The following ERC1 variants were observed in gnomAD, a reference collection of about 807,000 sequenced individuals.
ERC1 encodes RAB6 interacting protein 2.
In ERC1, 56 loss-of-function variants were observed where a neutral mutation model predicts 132.0. The observed-to-expected ratio is 0.42, with a 90% CI of 0.34 to 0.53. The LOEUF (loss-of-function observed/expected upper bound fraction) is 0.53. ERC1 is among the 20% of genes least tolerant of loss of function. The pLI is 0.03. For missense variants in ERC1, 1,202 were observed against 1,349.9 expected, an observed-to-expected ratio of 0.89 and a Z score of 1.72; for synonymous variants, 478 against 476.1, an observed-to-expected ratio of 1.00 and a Z score of -0.05.
intron 8 of ERC1, among the ~76,000 whole-genome samples, chr12:1,145,973 A>C (rs868701427): frequency 2.0e-5 from 3 of 152,292 alleles, no homozygotes; most frequent in African/African-American, 7.2e-5. Context: ...TTTGGCGACT[A>C]TAGCCTTGTA....
At chr12:1,123,017 C>T (rs1291993114) in intron 7 of ERC1, among the ~76,000 whole-genome samples, 3 of 152,116 alleles carry the variant, frequency 2.0e-5, no homozygotes, top group Admixed American at 6.5e-5. Flanking sequence ...CCTGCCACAA[C>T]CACTCCCCCA....
chr12:1,352,013 G>A (rs901366473), intron 15 of ERC1, among the ~76,000 whole-genome samples: 1 of 152,048 alleles, frequency 6.6e-6, no homozygotes, highest in African/African-American at 2.4e-5. Flanking sequence ...GCTTTGAAGG[G>A]CCCAAGGATC....
intron 17 of ERC1, among the ~76,000 whole-genome samples, chr12:1,420,130 A>G (rs1459205029): frequency 6.6e-6 from 1 of 152,192 alleles, no homozygotes; most frequent in Non-Finnish European, 1.5e-5. Context: ...AGAAGTCTTT[A>G]AAAGAATCAT....
intron 12 of ERC1, among the ~76,000 whole-genome samples, chr12:1,202,625 C>G (rs1385296152): frequency 6.6e-6 from 1 of 151,856 alleles, no homozygotes; most frequent in Non-Finnish European, 1.5e-5. Flanking sequence ...CCACTGCACT[C>G]TAGCCTAGGT....
intron 18 of ERC1, among the ~76,000 whole-genome samples, chr12:1,460,377 A>T (rs972412677): frequency 6.6e-6 from 1 of 152,184 alleles, no homozygotes; most frequent in Non-Finnish European, 1.5e-5. Context: ...GGCAGCCGCA[A>T]AATGGTGCCG....
chr12:1,003,898 C>T (rs988881589), intron 1 of ERC1, among the ~76,000 whole-genome samples: 1 of 152,166 alleles, frequency 6.6e-6, no homozygotes, highest in Non-Finnish European at 1.5e-5. Context: ...CTGGGGGATA[C>T]TCTGTTGATG....
chr12:1,467,975 C>T (rs1378081274), intron 18 of ERC1, among the ~76,000 whole-genome samples: 3 of 152,198 alleles, frequency 2.0e-5, no homozygotes, highest in Non-Finnish European at 4.4e-5. Flanking sequence ...ATAGATGAAG[C>T]TTTGCTTCCT....
In ERC1 at chr12:1,492,503, C is replaced by T. The variant is rs562299829; in HGVS notation, c.*2273C>T. The T allele has an allele frequency of 1.2e-4, 27 of 233,162 alleles. No homozygotes were observed. Among genetic ancestry groups the T allele is most frequent in the Admixed American group, 1.1e-3 (20 of 17,786 alleles). 14.4% of individuals were successfully genotyped at this position (233,162 alleles called of 1,614,324 possible). A position where few individuals can be genotyped will look rare whatever the true frequency, so the allele number is the denominator to read the frequency against. ...AAGCAGGTGGCCCAGATCCCACCCA[C>T]GTGGACTTTCTCATCAGGTGCAGCG... On this transcript the variant is annotated 3_prime_UTR_variant, in exon 19 of 19. Coordinates refer to ENST00000360905, the MANE Select transcript of ERC1 (RefSeq NM_178040.4).
At chr12:1,366,145 T>G (rs1450294757) in intron 15 of ERC1, among the ~76,000 whole-genome samples, 1 of 152,170 alleles carries the variant, frequency 6.6e-6, no homozygotes. Flanking sequence ...CGCAGAACAA[T>G]CTAAATGTAC....
At position 1,495,473 on chromosome 12, in the gene ERC1, A is replaced by G. The variant is rs776362394; in HGVS notation, c.*5243A>G. On this transcript the variant is annotated 3_prime_UTR_variant, in exon 19 of 19. Coordinates refer to ENST00000360905, the MANE Select transcript of ERC1 (RefSeq NM_178040.4). ...GCAGGCCCTCTGGGTCCAGCCCCTC[A>G]TTCCACACCACGCCAGTATTGCATC... is the stretch of plus-strand genomic sequence containing the variant. 6.1e-5 allele frequency: 14 copies of G among 228,764 alleles called. No individual in the cohort carries two copies. The highest frequency in any genetic ancestry group is 1.0e-4 in the Non-Finnish European group (12 of 115,362). The allele number at this position is 228,764 out of a possible 1,614,324, so 14.2% of individuals were successfully genotyped here. A position where few individuals can be genotyped will look rare whatever the true frequency, so the allele number is the denominator to read the frequency against.
At chr12:1,484,696 G>A (rs183248077) in intron 18 of ERC1, among the ~76,000 whole-genome samples, 1 of 151,134 alleles carries the variant, frequency 6.6e-6, no homozygotes, top group Non-Finnish European at 1.5e-5. Flanking sequence ...TCCTGCCTCA[G>A]CCTCCTGAGT....
At chr12:1,162,569 T>C (rs1456790848) in intron 8 of ERC1, among the ~76,000 whole-genome samples, 1 of 152,034 alleles carries the variant, frequency 6.6e-6, no homozygotes, top group Non-Finnish European at 1.5e-5. Context: ...AGGTCCTTTG[T>C]ATGTTCCGTT....
At chr12:1,385,999 C>T (rs2089295742) in intron 16 of ERC1, 1 of 149,914 alleles carries the variant, frequency 6.7e-6, no homozygotes, top group Non-Finnish European at 1.5e-5. Context: ...AGATCATTTC[C>T]TCTGTTGCTT....
rs113040894 is a variant in ERC1, at chr12:1,329,911, G to A, written c.2780+39899G>A. Reference sequence around the variant, plus strand: ...GGACTTTTGACCCCACTTTTCTAGTGTGCTTGGTTTCTCCTTTAAAAAGAT... The same window carrying A: ...GGACTTTTGACCCCACTTTTCTAGTATGCTTGGTTTCTCCTTTAAAAAGAT... On this transcript the variant is annotated intron_variant, in intron 15 of 18. Transcript: ENST00000360905. Among the ~76,000 whole-genome samples the A allele has an allele frequency of 7.7e-4, 117 of 152,294 alleles. 1 individual carries two copies. Among genetic ancestry groups the A allele is most frequent in the African/African-American group, 2.6e-3 (109 of 41,568 alleles).
intron 1 of ERC1, among the ~76,000 whole-genome samples, chr12:1,024,366 G>A (rs1966783461): frequency 6.6e-6 from 1 of 152,078 alleles, no homozygotes; most frequent in South Asian, 2.1e-4. Flanking sequence ...GGGTGACAGA[G>A]GAGACCTTGT....
At chr12:1,061,989 C>CTTTTTTTTT (rs896825718) in intron 2 of ERC1, among the ~76,000 whole-genome samples, 25 of 117,380 alleles carry the variant, frequency 2.1e-4, no homozygotes, top group Admixed American at 2.6e-4. Flanking sequence ...TTCTTTTCTT[C>CTTTTTTTTT]TTTTTTTTTT....
At chr12:1,166,394 C>G (rs1952434092) in intron 8 of ERC1, among the ~76,000 whole-genome samples, 1 of 152,170 alleles carries the variant, frequency 6.6e-6, no homozygotes, top group African/African-American at 2.4e-5. Context: ...CCTCCCTATT[C>G]ATGTGCAACT....
At chr12:1,291,983 T>G (rs1201495811) in intron 15 of ERC1, among the ~76,000 whole-genome samples, 1 of 152,102 alleles carries the variant, frequency 6.6e-6, no homozygotes, top group East Asian at 1.9e-4. Flanking sequence ...CGTTTTTCCC[T>G]TAAGAAAGAA....
intron 15 of ERC1, among the ~76,000 whole-genome samples, chr12:1,353,040 T>C (rs1319277863): frequency 6.7e-6 from 1 of 149,966 alleles, no homozygotes; most frequent in African/African-American, 2.4e-5. Flanking sequence ...TTTTTTTTTT[T>C]TTTTTTCTGA....
Sources: gnomAD v4.1 joint callset for allele counts (sites outside exome capture counted in the v4.1 genomes callset) on GRCh38, gnomAD v4.1.1 for gene constraint, MANE v1.5 for transcripts, NCBI Gene and HGNC (gene_info 2026-07-23, HGNC 2026-07-21) for gene names.